NFU1: variants seen among roughly 807,000 people sequenced by gnomAD.
The protein encoded by NFU1 is NFU1 iron-sulfur cluster scaffold.
In NFU1, 30 loss-of-function variants were observed where a neutral mutation model predicts 32.2. That is an observed-to-expected ratio of 0.93 (90% CI 0.70 to 1.26). The LOEUF is 1.26. NFU1 is among the 50% of genes most tolerant of loss of function. The probability of loss-of-function intolerance (pLI) is 0.00; values close to 1 mark genes in which losing one functional copy is unlikely to be tolerated. For missense variants in NFU1, 306 were observed against 306.6 expected, an observed-to-expected ratio of 1.00 and a Z score of 0.02; for synonymous variants, 112 against 104.6, an observed-to-expected ratio of 1.07 and a Z score of -0.43.
At chr2:69,400,958 T>A (rs1407152359) in intron 6 of NFU1, among the ~76,000 whole-genome samples, 1 of 151,928 alleles carries the variant, frequency 6.6e-6, no homozygotes, top group Non-Finnish European at 1.5e-5. Context: ...TCTAAAGAAA[T>A]TTTTTTTAAA....
chr2:69,399,552 G>T (rs1462724934), intron 7 of NFU1, among the ~76,000 whole-genome samples: 2 of 149,912 alleles, frequency 1.3e-5, no homozygotes, highest in African/African-American at 4.9e-5. Flanking sequence ...AGCATTTTGG[G>T]AGGATCACCT....
chr2:69,416,067 G>A (rs1287613394), intron 4 of NFU1: 1 of 150,752 alleles, frequency 6.6e-6, no homozygotes, highest in African/African-American at 2.4e-5. Flanking sequence ...GGCGAAGAGA[G>A]GAAGGTAAAA....
chr2:69,416,511 TA>T (rs75738049), intron 4 of NFU1, among the ~76,000 whole-genome samples: 8,815 of 151,358 alleles, frequency 0.058, 801 homozygotes, highest in African/African-American at 0.2. Context: ...CCCATTCTCT[TA>T]AAAAAAACAT....
At chr2:69,417,970 T>C (rs1673111927) in intron 4 of NFU1, among the ~76,000 whole-genome samples, 1 of 152,080 alleles carries the variant, frequency 6.6e-6, no homozygotes, top group Non-Finnish European at 1.5e-5. Context: ...AATAAATATA[T>C]AATTTCCCAC....
rs1391166492 is a variant in NFU1 at position 69,397,593 on chromosome 2, T to C, written c.721-1303A>G. Among the ~76,000 whole-genome samples, 4 of 138,678 alleles carry C rather than the reference T, an allele frequency of 2.9e-5. No homozygotes were observed. In the South Asian group the frequency reaches 9.4e-4, roughly 33 times the overall value. 91.0% of individuals were successfully genotyped at this position (138,678 alleles called of 152,430 possible). On this transcript the variant is annotated intron_variant, in intron 7 of 7. Transcript: ENST00000410022. ...ATTTTTTAAGGCATATAGATGATAA[T>C]GGAACAAAGTAAGGTTTTTTTTTTT...
At chr2:69,437,199 G>A (rs1378363645) in intron 1 of NFU1, 162 bp downstream of exon 1, 18 of 1,423,246 alleles carry the variant, frequency 1.3e-5, no homozygotes, top group South Asian at 1.5e-5. Flanking sequence ...CTCCCGCACA[G>A]ACAGCCTCAG....
At chr2:69,438,946 A>C (rs931378891), upstream of NFU1, among the ~76,000 whole-genome samples, 2 of 136,028 alleles carry the variant, frequency 1.5e-5, no homozygotes, top group Admixed American at 8.1e-5. Flanking sequence ...AAGGCAGTCC[A>C]AGGCTCTGTT....
Position 69,415,237 on chromosome 2 carries a change from G to C in NFU1, c.432C>G (p.Phe144Leu), listed in dbSNP as rs749272908. 1.2e-6 allele frequency: 2 copies of C among 1,613,322 alleles called. No individual in the cohort carries two copies. Among genetic ancestry groups the C allele is most frequent in the African/African-American group, 2.7e-5 (2 of 75,020 alleles). The stretch of plus-strand genomic sequence containing the variant: ...TAACCAGGGGTAAGCCAGATGCAAA[G>C]AAGTCCATGATTGTTGCATAAATAT... ...KPDIYATIMD[F>L]FASGLPLVTE... Residue 144 changes from phenylalanine to leucine, a missense_variant, in exon 5 of 8, where the codon TTC (phenylalanine) becomes TTG (leucine). Phe to Leu is a conservative substitution (Grantham distance 22, BLOSUM62 0). Coordinates refer to ENST00000410022, the MANE Select transcript of NFU1 (RefSeq NM_001002755.4).
chr2:69,424,198 A>AAAATATATATAT (rs1558840147), intron 2 of NFU1, among the ~76,000 whole-genome samples: 7 of 74,534 alleles, frequency 9.4e-5, no homozygotes, highest in African/African-American at 3.7e-4. Context: ...AAAAAAAAAA[A>AAAATATATATAT]ATATATATAT....
chr2:69,430,675 G>A (rs1673609801), intron 2 of NFU1, among the ~76,000 whole-genome samples: 1 of 152,148 alleles, frequency 6.6e-6, no homozygotes, highest in Admixed American at 6.6e-5. Flanking sequence ...GTCCTACAAA[G>A]TTTAAAAGTC....
At chr2:69,413,628 G>T (rs2104767471) in intron 5 of NFU1, among the ~76,000 whole-genome samples, 1 of 152,102 alleles carries the variant, frequency 6.6e-6, no homozygotes. Context: ...GCGTGGTGGT[G>T]CATGCCTGTA....
At position 69,400,510 on chromosome 2, in the gene NFU1, C is replaced by T. The variant is rs766526468; in HGVS notation, c.574G>A (p.Val192Ile). ...CCATCTTCAAAGCCTTTGTAGATTA[C>T]ATCCCCTCCATCTTCCTGCACAGTT... is the stretch of plus-strand genomic sequence containing the variant. ...RPTVQEDGGDVIYKGFEDGIV... is the reference protein window; with the variant it reads ...RPTVQEDGGDIIYKGFEDGIV... Residue 192 changes from valine to isoleucine, a missense_variant, in exon 7 of 8, where the codon GTA becomes ATA. Transcript: ENST00000410022. 3.1e-6 allele frequency: 5 copies of T among 1,614,104 alleles called. No homozygotes were observed. The highest frequency in any genetic ancestry group is 2.2e-5 in the South Asian group (2 of 91,092).
At chr2:69,429,080 A>G (rs554221257) in intron 2 of NFU1, among the ~76,000 whole-genome samples, 7 of 152,338 alleles carry the variant, frequency 4.6e-5, no homozygotes, top group Admixed American at 1.3e-4. Context: ...ATTTCTAGTA[A>G]GACATTCTTC....
At chr2:69,397,475 A>G (rs1385878972) in intron 7 of NFU1, among the ~76,000 whole-genome samples, 1 of 152,204 alleles carries the variant, frequency 6.6e-6, no homozygotes, top group Non-Finnish European at 1.5e-5. Flanking sequence ...ATGCCAATTC[A>G]AGTTTCTAAT....
At position 69,410,326 on chromosome 2, in the gene NFU1, T is replaced by C. The variant is rs555823297; in HGVS notation, c.485-4244A>G. On this transcript the variant is annotated intron_variant, in intron 5 of 7. Coordinates refer to ENST00000410022, the MANE Select transcript of NFU1 (RefSeq NM_001002755.4). ...ATCGCTTGAACCTGGGAGGTGGAGG[T>C]TGCAGTGAGCCGAGATCGCACCATT... Among the ~76,000 whole-genome samples the C allele has an allele frequency of 9.0e-4, 136 of 151,652 alleles. 1 individual carries two copies. Among genetic ancestry groups the C allele is most frequent in the African/African-American group, 2.9e-3 (119 of 41,338 alleles).
intron 6 of NFU1, among the ~76,000 whole-genome samples, chr2:69,403,772 ATCT>A (rs1189203388): frequency 6.6e-6 from 1 of 151,840 alleles, no homozygotes; most frequent in East Asian, 1.9e-4. Context: ...CAGTATACTA[ATCT>A]TCTCTTCAAC....
In NFU1 at chr2:69,397,581, T is replaced by C. The variant is rs145279872; in HGVS notation, c.721-1291A>G. On this transcript the variant is annotated intron_variant, in intron 7 of 7. Transcript: ENST00000410022. Reference sequence around the variant, plus strand: ...TCAACTAACATAATTTTTTAAGGCATATAGATGATAATGGAACAAAGTAAG... The same window carrying C: ...TCAACTAACATAATTTTTTAAGGCACATAGATGATAATGGAACAAAGTAAG... Among the ~76,000 whole-genome samples, 442 of 150,030 alleles carry C rather than the reference T, an allele frequency of 2.9e-3. 3 individuals carry two copies. The highest frequency in any genetic ancestry group is 8.7e-3 in the African/African-American group (349 of 40,332).
chr2:69,414,094 T>C (rs1472362087), intron 5 of NFU1, among the ~76,000 whole-genome samples: 1 of 152,048 alleles, frequency 6.6e-6, no homozygotes, highest in Non-Finnish European at 1.5e-5. Flanking sequence ...AAAGAAGCTC[T>C]CCACATATTC....
intron 2 of NFU1, among the ~76,000 whole-genome samples, chr2:69,428,937 T>C (rs1188394607): frequency 3.3e-5 from 5 of 152,206 alleles, no homozygotes; most frequent in African/African-American, 9.6e-5. Flanking sequence ...AACCATTTCA[T>C]GGATAAAGAA....
Sources: allele counts gnomAD v4.1 joint callset (sites outside exome capture counted in the v4.1 genomes callset), GRCh38; gene constraint gnomAD v4.1.1; transcripts MANE v1.5; gene names NCBI Gene and HGNC (gene_info 2026-07-23, HGNC 2026-07-21).